The following KIAA1549L variants were observed in gnomAD, a reference collection of about 807,000 sequenced individuals.
KIAA1549L encodes UPF0606 protein KIAA1549L.
Under a neutral mutation model 160.7 loss-of-function variants are expected in KIAA1549L, and 88 were observed. The observed-to-expected ratio is 0.55, with a 90% CI of 0.46 to 0.65. The LOEUF (loss-of-function observed/expected upper bound fraction) is 0.65. Among genes scored for constraint, KIAA1549L ranks in the 30% least tolerant of loss-of-function variants. The probability of loss-of-function intolerance (pLI) is 0.00; values close to 1 mark genes in which losing one functional copy is unlikely to be tolerated. For missense variants in KIAA1549L, 2,258 were observed against 2,437.5 expected, an observed-to-expected ratio of 0.93 and a Z score of 1.55; for synonymous variants, 950 against 976.7, an observed-to-expected ratio of 0.97 and a Z score of 0.51.
At chr11:33,572,565 CTT>C (rs1402389161) in intron 9 of KIAA1549L, among the ~76,000 whole-genome samples, 3 of 152,168 alleles carry the variant, frequency 2.0e-5, no homozygotes, top group Admixed American at 6.5e-5. Context: ...AGTACATACT[CTT>C]TTGTATAAAG....
chr11:33,452,172 C>T (rs1851733764), intron 1 of KIAA1549L, among the ~76,000 whole-genome samples: 1 of 152,202 alleles, frequency 6.6e-6, no homozygotes, highest in African/African-American at 2.4e-5. Flanking sequence ...TGTCTATAAT[C>T]CCTTCATTCT....
rs752508184 is a variant in KIAA1549L at position 33,667,903 on chromosome 11, C to A, written c.6190C>A (p.Pro2064Thr). 1.9e-6 allele frequency: 3 copies of A among 1,613,236 alleles called. No homozygotes were observed. Among genetic ancestry groups the A allele is most frequent in the East Asian group, 2.2e-5 (1 of 44,870 alleles). Residue 2064 changes from proline to threonine, a missense_variant, in exon 21 of 21, where the codon CCC becomes ACC. Transcript: ENST00000658780. ...CCTCCCAGGGTACATCGAGGCCTAC[C>A]CCCGATCACGGTACCCCCAGAGCTC... ...VPLPGYIEAY[P>T]RSRYPQSSPS...
chr11:33,584,240 T>C (rs948737033), intron 11 of KIAA1549L, among the ~76,000 whole-genome samples: 8 of 152,216 alleles, frequency 5.3e-5, no homozygotes, highest in African/African-American at 1.2e-4. Context: ...GTCTGTGATA[T>C]TTTGTTACAA....
Position 33,623,209 on chromosome 11 carries a change from G to A in KIAA1549L, c.5409+4547G>A, listed in dbSNP as rs79974787. ...CAACACAGGAATGCCCTGGTGCTGC[G>A]TAATGGAGTGGTCCCAATTAAGGGT... is the stretch of plus-strand genomic sequence containing the variant. On this transcript the variant is annotated intron_variant, in intron 16 of 20. Transcript: ENST00000658780. Among the ~76,000 whole-genome samples the A allele has an allele frequency of 3.5e-3, 531 of 152,310 alleles. 8 individuals carry two copies. Among genetic ancestry groups the A allele is most frequent in the African/African-American group, 0.012 (501 of 41,566 alleles).
chr11:33,620,296 T>C (rs1467583700), intron 16 of KIAA1549L, among the ~76,000 whole-genome samples: 1 of 152,238 alleles, frequency 6.6e-6, no homozygotes, highest in Non-Finnish European at 1.5e-5. Flanking sequence ...AGGGGAAGCC[T>C]GCTTTATTCT....
At chr11:33,463,173 T>C (rs1851978097) in intron 1 of KIAA1549L, among the ~76,000 whole-genome samples, 1 of 152,130 alleles carries the variant, frequency 6.6e-6, no homozygotes, top group Admixed American at 6.6e-5. Flanking sequence ...GTAAATATGA[T>C]ATTTGCCTCG....
Position 33,623,009 on chromosome 11 carries a change from A to G in KIAA1549L, c.5409+4347A>G, listed in dbSNP as rs548439260. Among the ~76,000 whole-genome samples, 11 of 152,364 alleles carry G rather than the reference A, an allele frequency of 7.2e-5. No homozygotes were observed. The East Asian group carries it at 1.7e-3, about 24-fold the overall frequency. Reference sequence around the variant, plus strand: ...GGTTGTTTTGATGAGTTGCACTTGCAGAACAATGAAATATTATCTGGAAAG... The same window carrying G: ...GGTTGTTTTGATGAGTTGCACTTGCGGAACAATGAAATATTATCTGGAAAG... On this transcript the variant is annotated intron_variant, in intron 16 of 20. Transcript: ENST00000658780.
chr11:33,558,386 C>T (rs1453722787), intron 6 of KIAA1549L, among the ~76,000 whole-genome samples: 1 of 152,104 alleles, frequency 6.6e-6, no homozygotes, highest in Non-Finnish European at 1.5e-5. Context: ...GCTTTGACCC[C>T]GTGAGGAGGG....
At chr11:33,515,088 C>T (rs1565165476) in intron 1 of KIAA1549L, among the ~76,000 whole-genome samples, 1 of 152,152 alleles carries the variant, frequency 6.6e-6, no homozygotes, top group Non-Finnish European at 1.5e-5. Context: ...AAGTAGGATT[C>T]AGTTGACTTC....
At chr11:33,610,012 G>A (rs901267110) in intron 15 of KIAA1549L, 46 bp downstream of exon 15, 8 of 1,470,484 alleles carry the variant, frequency 5.4e-6, no homozygotes, top group Non-Finnish European at 7.6e-6. Context: ...ATCATTGGTG[G>A]GATAAGGGCA....
At chr11:33,524,479 T>G (rs1178131648) in intron 1 of KIAA1549L, among the ~76,000 whole-genome samples, 5 of 150,834 alleles carry the variant, frequency 3.3e-5, no homozygotes, top group Middle Eastern at 6.9e-3. Flanking sequence ...TTCCAGCTTT[T>G]ATTTTTATTA....
intron 17 of KIAA1549L, among the ~76,000 whole-genome samples, chr11:33,650,623 C>T (rs1851856538): frequency 6.6e-6 from 1 of 152,170 alleles, no homozygotes; most frequent in Admixed American, 6.5e-5. Flanking sequence ...ATAGCCGTAT[C>T]CTCTTTCTCC....
intron 4 of KIAA1549L, among the ~76,000 whole-genome samples, chr11:33,550,038 G>C (rs1168000480): frequency 8.1e-6 from 1 of 122,806 alleles, no homozygotes; most frequent in African/African-American, 3.3e-5. Flanking sequence ...AACAAAAAAA[G>C]AAACAAAAAA....
intron 1 of KIAA1549L, among the ~76,000 whole-genome samples, chr11:33,539,156 A>T (rs1313186192): frequency 6.6e-6 from 1 of 151,420 alleles, no homozygotes; most frequent in Admixed American, 6.6e-5. Flanking sequence ...ATCATTGAGC[A>T]TTTTTTTTTA....
chr11:33,607,852 G>A lies in KIAA1549L; in HGVS notation c.5061+1030G>A, dbSNP rs990102336. ...GGCAGAAAGACTGAGATGGCCTAAA[G>A]ATGTGATGGGTAAACCTTCATTGAT... On this transcript the variant is annotated intron_variant, in intron 14 of 20. Coordinates refer to ENST00000658780, the MANE Select transcript of KIAA1549L (RefSeq NM_012194.3). 1.2e-4 allele frequency among the ~76,000 whole-genome samples: 19 copies of A among 152,354 alleles called. No homozygotes were observed. The Middle Eastern group carries it at 0.01, about 82-fold the overall frequency.
At chr11:33,665,869 G>C (rs1470892435) in intron 20 of KIAA1549L, among the ~76,000 whole-genome samples, 1 of 152,188 alleles carries the variant, frequency 6.6e-6, no homozygotes, top group Non-Finnish European at 1.5e-5. Context: ...GCAGGGAGGG[G>C]GGCACCTTCC....
intron 1 of KIAA1549L, among the ~76,000 whole-genome samples, chr11:33,520,684 A>ACACACAC (rs1853464753): frequency 1.7e-4 from 14 of 84,778 alleles, no homozygotes; most frequent in South Asian, 1.1e-3. Flanking sequence ...CCCCACCCCC[A>ACACACAC]ACACACACAC....
At chr11:33,502,291 A>G (rs1852969689) in intron 1 of KIAA1549L, among the ~76,000 whole-genome samples, 1 of 152,198 alleles carries the variant, frequency 6.6e-6, no homozygotes, top group Non-Finnish European at 1.5e-5. Flanking sequence ...TGCTACCTTC[A>G]GGCTTGGAGA....
chr11:33,481,411 T>C (rs1590277161), intron 1 of KIAA1549L, among the ~76,000 whole-genome samples: 1 of 152,366 alleles, frequency 6.6e-6, no homozygotes, highest in East Asian at 1.9e-4. Flanking sequence ...TTTTCACTTT[T>C]AATACAAATT....
Sources: allele counts gnomAD v4.1 joint callset (sites outside exome capture counted in the v4.1 genomes callset), GRCh38; gene constraint gnomAD v4.1.1; transcripts MANE v1.5; gene names NCBI Gene and HGNC (gene_info 2026-07-23, HGNC 2026-07-21).